DPY19L1: variants seen among roughly 807,000 people sequenced by gnomAD.
DPY19L1 encodes the protein dpy-19 like C-mannosyltransferase 1, also known as protein C-mannosyl-transferase DPY19L1.
DPY19L1 carries 35 observed loss-of-function variants against 96.9 expected under a neutral mutation model. That is an observed-to-expected ratio of 0.36 (90% confidence interval 0.28 to 0.48). The LOEUF (loss-of-function observed/expected upper bound fraction) is 0.48. Ranked by LOEUF, DPY19L1 falls within the 20% of genes least tolerant of loss-of-function variation. DPY19L1 has a pLI of 0.99. For synonymous variants in DPY19L1, 205 were observed against 252.6 expected (o/e 0.81, Z 1.79); for missense variants, 521 against 777.9 (o/e 0.67, Z 3.93).
chr7:35,017,658 C>T (rs1584258326), intron 3 of DPY19L1, among the ~76,000 whole-genome samples: 1 of 151,070 alleles, frequency 6.6e-6, no homozygotes. Flanking sequence ...GGCGACAGAG[C>T]GAGACTCCGT....
intron 1 of DPY19L1, among the ~76,000 whole-genome samples, chr7:35,028,409 G>A (rs1786179317): frequency 6.6e-6 from 1 of 152,144 alleles, no homozygotes; most frequent in South Asian, 2.1e-4. Flanking sequence ...TCTAAACAGA[G>A]AAATACACTA....
chr7:34,972,313 G>GC (rs1784740409), intron 8 of DPY19L1, among the ~76,000 whole-genome samples: 1 of 152,192 alleles, frequency 6.6e-6, no homozygotes, highest in South Asian at 2.1e-4. Context: ...GGGCTACACA[G>GC]CAACAGGAAA....
intron 1 of DPY19L1, among the ~76,000 whole-genome samples, chr7:35,032,103 C>T (rs936026525): frequency 6.6e-6 from 1 of 152,128 alleles, no homozygotes; most frequent in Non-Finnish European, 1.5e-5. Flanking sequence ...AAGTATGACC[C>T]TCTTTTCCTT....
chr7:34,951,763 T>C (rs1784271423), intron 13 of DPY19L1, among the ~76,000 whole-genome samples: 1 of 151,554 alleles, frequency 6.6e-6, no homozygotes. Flanking sequence ...ATTAAAACAA[T>C]AGACCTCTAG....
At position 34,977,993 on chromosome 7, in the gene DPY19L1, C is replaced by T. The variant is rs185139623; in HGVS notation, c.823-4388G>A. Among the ~76,000 whole-genome samples the T allele has an allele frequency of 4.8e-3, 736 of 151,960 alleles. 3 individuals are homozygous for T. Among genetic ancestry groups the T allele is most frequent in the African/African-American group, 0.017 (690 of 41,460 alleles). On this transcript the variant is annotated intron_variant, in intron 7 of 21. Transcript: ENST00000638088. ...ATAATACTGTGTAGATATTAATAGGCTTTTATTTTCTGCTTAATAATTTTT... is the reference window on the plus strand; with the variant it reads ...ATAATACTGTGTAGATATTAATAGGTTTTTATTTTCTGCTTAATAATTTTT...
At chr7:35,017,289 C>T (rs368687867) in intron 3 of DPY19L1, among the ~76,000 whole-genome samples, 26 of 151,130 alleles carry the variant, frequency 1.7e-4, no homozygotes, top group African/African-American at 5.8e-4. Context: ...GTCAGGAGAT[C>T]GAGACCATCC....
At chr7:34,985,526 C>T (rs548026243) in intron 7 of DPY19L1, among the ~76,000 whole-genome samples, 1 of 151,762 alleles carries the variant, frequency 6.6e-6, no homozygotes, top group South Asian at 2.1e-4. Context: ...TCTGAAGTCA[C>T]TTCTCAAAAG....
chr7:35,006,885 C>T lies in DPY19L1; in HGVS notation c.764+3583G>A, dbSNP rs185824494. On this transcript the variant is annotated intron_variant, in intron 6 of 21. Coordinates refer to ENST00000638088, the MANE Select transcript of DPY19L1 (RefSeq NM_001366673.1). Reference sequence around the variant, plus strand: ...AAATATACTTCTGAATTTAAAATGTCACAGTCAATCTGCCTGCAAATTTCT... The same window carrying T: ...AAATATACTTCTGAATTTAAAATGTTACAGTCAATCTGCCTGCAAATTTCT... 1.8e-3 allele frequency among the ~76,000 whole-genome samples: 270 copies of T among 152,300 alleles called. 1 individual carries two copies. The highest frequency in any genetic ancestry group is 3.1e-3 in the Non-Finnish European group (210 of 68,032).
chr7:35,011,495 A>T (rs1488668677), intron 4 of DPY19L1, 45 bp from the exon 5 acceptor site: 4 of 1,512,482 alleles, frequency 2.6e-6, no homozygotes, highest in Non-Finnish European at 3.6e-6. Context: ...TATACTAAAC[A>T]ATTTTCATTA....
At position 35,037,150 on chromosome 7, in the gene DPY19L1, G is replaced by A. The variant is rs1218767560; in HGVS notation, c.245C>T (p.Ala82Val). 3.2e-5 allele frequency: 6 copies of A among 184,836 alleles called. No homozygotes were observed. Among genetic ancestry groups the A allele is most frequent in the Non-Finnish European group, 2.2e-5 (2 of 90,356 alleles). 11.4% of individuals were successfully genotyped at this position (184,836 alleles called of 1,614,324 possible). ...GCGCCCCGCGCGCCGCAGGCCCAGC[G>A]CCCAGCGCAGCCGGGCGGCCAGGCG... ...GGRLAARLRW[A>V]LGLRRAGRGR... Residue 82 changes from alanine to valine, a missense_variant, in exon 1 of 22, where the codon GCG becomes GTG. Transcript: ENST00000638088.
At chr7:34,998,999 A>C (rs1183038976) in intron 6 of DPY19L1, among the ~76,000 whole-genome samples, 10 of 152,260 alleles carry the variant, frequency 6.6e-5, no homozygotes, top group Admixed American at 6.5e-4. Flanking sequence ...CAAGAAGTCC[A>C]ATATCCAATC....
At chr7:34,979,885 T>C (rs1327409551) in intron 7 of DPY19L1, among the ~76,000 whole-genome samples, 11 of 152,036 alleles carry the variant, frequency 7.2e-5, no homozygotes, top group Admixed American at 7.2e-4. Flanking sequence ...GTGTATGTGT[T>C]GAAAGAGAGG....
At chr7:34,996,906 A>G (rs141704521) in intron 6 of DPY19L1, among the ~76,000 whole-genome samples, 1,994 of 152,278 alleles carry the variant, frequency 0.013, 28 homozygotes, top group Non-Finnish European at 0.02. Flanking sequence ...TGGGAGCAAG[A>G]CTGGTGGGGA....
chr7:35,011,966 C>T (rs894811042), intron 4 of DPY19L1, among the ~76,000 whole-genome samples: 1 of 152,196 alleles, frequency 6.6e-6, no homozygotes, highest in Non-Finnish European at 1.5e-5. Context: ...AATGGCTAGA[C>T]AGATCAATAA....
intron 18 of DPY19L1, 22 bp downstream of exon 18, chr7:34,941,743 A>G (rs760263433): frequency 1.3e-6 from 2 of 1,598,002 alleles, no homozygotes; most frequent in Non-Finnish European, 1.7e-6. Context: ...CATAGTAGCT[A>G]TACTCCAACA....
At chr7:34,958,113 C>CA (rs766165666) in intron 10 of DPY19L1, 43 bp from the exon 11 acceptor site, 10 of 1,386,254 alleles carry the variant, frequency 7.2e-6, no homozygotes, top group South Asian at 6.8e-5. Context: ...GCACATAAAA[C>CA]AAAAAACCTT....
chr7:35,026,341 C>T (rs1045769021), intron 1 of DPY19L1, among the ~76,000 whole-genome samples: 2 of 152,188 alleles, frequency 1.3e-5, no homozygotes, highest in African/African-American at 4.8e-5. Context: ...GATTCATAGA[C>T]ACTTTAAAGA....
rs143584425 is a variant in DPY19L1, at chr7:34,943,651, A to G, written c.1545-1012T>C. Among the ~76,000 whole-genome samples, 569 of 152,310 alleles carry G rather than the reference A, an allele frequency of 3.7e-3. 3 individuals carry two copies. The highest frequency in any genetic ancestry group is 0.012 in the African/African-American group (478 of 41,556). ...ATGTCAACATGCCACTCCTCTTCCAAAAAAGAGCTCTGATCCTATTTGAAC... is the reference window on the plus strand; with the variant it reads ...ATGTCAACATGCCACTCCTCTTCCAGAAAAGAGCTCTGATCCTATTTGAAC... On this transcript the variant is annotated intron_variant, in intron 16 of 21. Coordinates refer to ENST00000638088, the MANE Select transcript of DPY19L1 (RefSeq NM_001366673.1).
rs145594377 is a variant in DPY19L1 at position 35,000,972 on chromosome 7, C to T, written c.764+9496G>A. ...GTATTCTCAGAGACAGTAGAGCACA[C>T]GTTTTGGAGCCACTGTTGGTACTCA... On this transcript the variant is annotated intron_variant, in intron 6 of 21. Coordinates refer to ENST00000638088, the MANE Select transcript of DPY19L1 (RefSeq NM_001366673.1). Among the ~76,000 whole-genome samples, 921 of 152,274 alleles carry T rather than the reference C, an allele frequency of 6.0e-3. 11 individuals are homozygous for T. Among genetic ancestry groups the T allele is most frequent in the African/African-American group, 0.019 (807 of 41,548 alleles).
Sources: allele counts gnomAD v4.1 joint callset (sites outside exome capture counted in the v4.1 genomes callset), GRCh38; gene constraint gnomAD v4.1.1; transcripts MANE v1.5; gene names NCBI Gene and HGNC (gene_info 2026-07-23, HGNC 2026-07-21).